PRKN: variants seen among roughly 807,000 people sequenced by gnomAD.
The protein encoded by PRKN is parkin RBR E3 ubiquitin protein ligase.
Under a neutral mutation model 59.5 loss-of-function variants are expected in PRKN, and 56 were observed. That is an observed-to-expected ratio of 0.94 (90% CI 0.76 to 1.18). The LOEUF (loss-of-function observed/expected upper bound fraction) is 1.18, where lower values mean the gene tolerates loss of function less well. PRKN is among the 50% of genes most tolerant of loss of function. The pLI is 0.00. For synonymous variants in PRKN, 250 were observed against 222.1 expected, an observed-to-expected ratio of 1.13 and a Z score of -1.12; for missense variants, 657 against 596.4, an observed-to-expected ratio of 1.10 and a Z score of -1.06.
At chr6:162,229,157 T>G (rs537166548) in intron 3 of PRKN, among the ~76,000 whole-genome samples, 63 of 152,326 alleles carry the variant, frequency 4.1e-4, no homozygotes, top group African/African-American at 1.4e-3. Flanking sequence ...CTCATCTGCC[T>G]TGCCATCTCT....
chr6:162,177,834 C>A (rs1452352138), intron 4 of PRKN, among the ~76,000 whole-genome samples: 1 of 152,174 alleles, frequency 6.6e-6, no homozygotes, highest in Non-Finnish European at 1.5e-5. Flanking sequence ...AGCCATAGAT[C>A]AAGCTGCAGC....
Position 161,473,499 on chromosome 6 carries a change from T to A in PRKN, c.1083+75355A>T, listed in dbSNP as rs2115202859. ...CACAGGAAAAAGTACTGCATGATCTTACTTACATGTGGAATCTTAAAAAAA... is the reference window on the plus strand; with the variant it reads ...CACAGGAAAAAGTACTGCATGATCTAACTTACATGTGGAATCTTAAAAAAA... On this transcript the variant is annotated intron_variant, in intron 9 of 11. Transcript: ENST00000366898. The surrounding 1 kb of genome is among the most constrained non-coding windows in gnomAD (Gnocchi z 4.1). Among the ~76,000 whole-genome samples the A allele has an allele frequency of 6.6e-6, 1 of 151,988 alleles. No individual in the cohort carries two copies. The highest frequency in any genetic ancestry group is 1.9e-4 in the East Asian group (1 of 5,172).
chr6:162,644,120 C>T (rs1352688943), intron 1 of PRKN, among the ~76,000 whole-genome samples: 1 of 152,102 alleles, frequency 6.6e-6, no homozygotes, highest in Non-Finnish European at 1.5e-5. Context: ...AGTCTTTTGG[C>T]AATGGAGATG....
In PRKN at chr6:161,550,568, A is replaced by G. The variant is rs1329737298; in HGVS notation, c.934-1565T>C. Among the ~76,000 whole-genome samples, 1 of 152,140 alleles carries G rather than the reference A, an allele frequency of 6.6e-6. No individual in the cohort carries two copies. The highest frequency in any genetic ancestry group is 2.4e-5 in the African/African-American group (1 of 41,424). ...TAGGATGAGTGTTTGAATTCTGGGT[A>G]TAAATTAAAGGGAGAAGTTGCAGAA... is the stretch of plus-strand genomic sequence containing the variant. On this transcript the variant is annotated intron_variant, in intron 8 of 11. Transcript: ENST00000366898. This position sits in a 1 kb window ranked among gnomAD's most constrained non-coding sequence, Gnocchi z 4.0.
chr6:161,999,927 CTAATAG>C (rs1461101005), intron 5 of PRKN, among the ~76,000 whole-genome samples: 2 of 152,032 alleles, frequency 1.3e-5, no homozygotes, highest in Admixed American at 1.3e-4. Flanking sequence ...CAAAGAAATA[CTAATAG>C]TAACAAGATG....
intron 7 of PRKN, among the ~76,000 whole-genome samples, chr6:161,624,799 C>T (rs1227137201): frequency 6.6e-6 from 1 of 152,148 alleles, no homozygotes; most frequent in Non-Finnish European, 1.5e-5. Context: ...AAAGTGTTCC[C>T]TAAAGGAATG....
intron 2 of PRKN, among the ~76,000 whole-genome samples, chr6:162,315,996 A>G (rs1782738029): frequency 6.6e-6 from 1 of 151,276 alleles, no homozygotes; most frequent in African/African-American, 2.4e-5. Context: ...GGCAGCTAAC[A>G]AAGAGGGCAC....
intron 1 of PRKN, among the ~76,000 whole-genome samples, chr6:162,530,209 C>A (rs536005247): frequency 6.6e-6 from 1 of 151,574 alleles, no homozygotes; most frequent in East Asian, 1.9e-4. Flanking sequence ...TGATTAGCAT[C>A]CAAGATGGAT....
At chr6:161,991,068 C>A (rs1003054692) in intron 5 of PRKN, among the ~76,000 whole-genome samples, 1 of 152,106 alleles carries the variant, frequency 6.6e-6, no homozygotes, top group Non-Finnish European at 1.5e-5. Flanking sequence ...ACAGCAGAAA[C>A]CTTACAGGCA....
chr6:162,412,815 A>AG (rs1788414668), intron 2 of PRKN, among the ~76,000 whole-genome samples: 1 of 152,200 alleles, frequency 6.6e-6, no homozygotes, highest in Non-Finnish European at 1.5e-5. Context: ...TAAGAAATAC[A>AG]AGTATCCATA....
At chr6:162,376,151 A>C (rs1366200400) in intron 2 of PRKN, among the ~76,000 whole-genome samples, 1 of 152,050 alleles carries the variant, frequency 6.6e-6, no homozygotes, top group Non-Finnish European at 1.5e-5. Context: ...TGCCCACTGG[A>C]GCTCCAGACA....
At chr6:161,647,076 G>A (rs1783984071) in intron 7 of PRKN, among the ~76,000 whole-genome samples, 1 of 152,178 alleles carries the variant, frequency 6.6e-6, no homozygotes, top group South Asian at 2.1e-4. Flanking sequence ...TGCTCATAAT[G>A]TAATATGGTG....
intron 1 of PRKN, among the ~76,000 whole-genome samples, chr6:162,523,767 A>G (rs1778165288): frequency 2.0e-5 from 3 of 152,294 alleles, no homozygotes; most frequent in South Asian, 4.1e-4. Flanking sequence ...GTATAATCCC[A>G]GCACTTCGGG....
At chr6:162,707,413 G>T (rs889389862) in intron 1 of PRKN, among the ~76,000 whole-genome samples, 4 of 152,136 alleles carry the variant, frequency 2.6e-5, no homozygotes, top group Admixed American at 1.3e-4. Flanking sequence ...AATATGTTCA[G>T]TCTACTGTAT....
At chr6:161,979,404 C>G (rs1192260172) in intron 5 of PRKN, among the ~76,000 whole-genome samples, 1 of 152,124 alleles carries the variant, frequency 6.6e-6, no homozygotes, top group Non-Finnish European at 1.5e-5. Flanking sequence ...TCCTGAATAG[C>G]TGGGATCATA....
chr6:161,689,802 C>G (rs562040694), intron 7 of PRKN, among the ~76,000 whole-genome samples: 1 of 152,172 alleles, frequency 6.6e-6, no homozygotes, highest in South Asian at 2.1e-4. Flanking sequence ...CCTCTGCCTC[C>G]CAGGTTCAAG....
At chr6:162,376,911 A>G (rs1786136360) in intron 2 of PRKN, among the ~76,000 whole-genome samples, 1 of 150,552 alleles carries the variant, frequency 6.6e-6, no homozygotes, top group Non-Finnish European at 1.5e-5. Flanking sequence ...GTAGGAAGAG[A>G]CCACGAGGAG....
chr6:161,909,489 G>A (rs910567107), intron 6 of PRKN, among the ~76,000 whole-genome samples: 9 of 152,138 alleles, frequency 5.9e-5, no homozygotes, highest in South Asian at 4.1e-4. Flanking sequence ...GAGAGAGAGC[G>A]CTTGCATACT....
intron 4 of PRKN, among the ~76,000 whole-genome samples, chr6:162,184,834 T>C (rs1783954734): frequency 6.6e-6 from 1 of 152,182 alleles, no homozygotes. Context: ...TATTGAGAAG[T>C]TTTGGTATAT....
Sources: gnomAD v4.1 joint callset for allele counts (sites outside exome capture counted in the v4.1 genomes callset) on GRCh38, gnomAD v4.1.1 for gene constraint, Gnocchi (gnomAD v3.1) non-coding constraint, MANE v1.5 for transcripts, NCBI Gene and HGNC (gene_info 2026-07-23, HGNC 2026-07-21) for gene names.